WWOX: variants seen among roughly 807,000 people sequenced by gnomAD.
The protein encoded by WWOX is WW domain-containing oxidoreductase.
In WWOX, 69 loss-of-function variants were observed where a neutral mutation model predicts 46.2. The observed-to-expected ratio is 1.49, with a 90% CI of 1.23 to 1.82. The LOEUF is 1.82. Ranked by LOEUF, WWOX falls within the 40% of genes most tolerant of loss-of-function variation. The pLI is 0.00. For synonymous variants in WWOX, 359 were observed against 202.6 expected, an observed-to-expected ratio of 1.77 and a Z score of -6.56; for missense variants, 919 against 542.6, an observed-to-expected ratio of 1.69 and a Z score of -6.89.
At chr16:79,207,125 C>T (rs538927666) in intron 8 of WWOX, among the ~76,000 whole-genome samples, 15 of 152,296 alleles carry the variant, frequency 9.8e-5, no homozygotes, top group African/African-American at 3.4e-4. Context: ...CCATCTATTC[C>T]ACCTGTGACA....
At chr16:79,033,544 A>T (rs1180739575) in intron 8 of WWOX, among the ~76,000 whole-genome samples, 2 of 152,224 alleles carry the variant, frequency 1.3e-5, no homozygotes, top group East Asian at 3.9e-4. Context: ...GGCCCTCACT[A>T]CCACATGCGT....
chr16:79,028,009 T>C (rs2047679649), intron 8 of WWOX, among the ~76,000 whole-genome samples: 1 of 151,882 alleles, frequency 6.6e-6, no homozygotes, highest in South Asian at 2.1e-4. Flanking sequence ...TGGAGTGCAG[T>C]GGTGCAATCT....
chr16:78,853,532 C>G (rs189206797), intron 8 of WWOX, among the ~76,000 whole-genome samples: 60 of 152,208 alleles, frequency 3.9e-4, no homozygotes, highest in African/African-American at 1.3e-3. Flanking sequence ...GTGCTAAAAC[C>G]CCCTCACTGC....
chr16:78,453,255 C>G (rs1485588068), intron 8 of WWOX, among the ~76,000 whole-genome samples: 1 of 151,976 alleles, frequency 6.6e-6, no homozygotes, highest in African/African-American at 2.4e-5. Context: ...GAGACCCTGT[C>G]TGTACTAAAA....
chr16:78,537,178 A>G (rs1045099942), intron 8 of WWOX, among the ~76,000 whole-genome samples: 3 of 152,206 alleles, frequency 2.0e-5, no homozygotes, highest in Non-Finnish European at 4.4e-5. Flanking sequence ...CAGCCTCCCA[A>G]AGTGCTGGGA....
intron 8 of WWOX, among the ~76,000 whole-genome samples, chr16:78,547,900 C>T (rs1392379670): frequency 1.3e-5 from 2 of 151,956 alleles, no homozygotes; most frequent in Non-Finnish European, 2.9e-5. Context: ...ACCTGTAATC[C>T]CAGCACTTTG....
intron 5 of WWOX, among the ~76,000 whole-genome samples, chr16:78,185,059 G>A (rs974010843): frequency 2.6e-5 from 4 of 152,090 alleles, no homozygotes; most frequent in Admixed American, 6.6e-5. Flanking sequence ...GCTGACCCTC[G>A]CTCTGGCTCA....
At chr16:78,195,572 A>T (rs529341116) in intron 5 of WWOX, among the ~76,000 whole-genome samples, 1 of 152,208 alleles carries the variant, frequency 6.6e-6, no homozygotes, top group African/African-American at 2.4e-5. Context: ...CTGTAATCTC[A>T]GCACTTTGGG....
intron 8 of WWOX, among the ~76,000 whole-genome samples, chr16:78,894,940 A>G (rs1000233641): frequency 1.3e-5 from 2 of 152,162 alleles, no homozygotes; most frequent in Non-Finnish European, 2.9e-5. Context: ...TTATTACGAT[A>G]GTTCCAATGG....
rs1194755836 is a variant in WWOX at position 78,341,871 on chromosome 16, T to A, written c.517-44989T>A. On this transcript the variant is annotated intron_variant, in intron 5 of 8. Transcript: ENST00000566780. ...GGTGCACACCTGTAATTCTAGCACATTGGGAGGCTGAGGTGAGAGGATTGC... is the reference window on the plus strand; with the variant it reads ...GGTGCACACCTGTAATTCTAGCACAATGGGAGGCTGAGGTGAGAGGATTGC... 2.5e-5 allele frequency among the ~76,000 whole-genome samples: 3 copies of A among 120,358 alleles called. No individual in the cohort carries two copies. In the East Asian group the frequency reaches 5.8e-4, roughly 23 times the overall value. 79.0% of individuals were successfully genotyped at this position (120,358 alleles called of 152,430 possible).
intron 8 of WWOX, among the ~76,000 whole-genome samples, chr16:78,470,454 C>G (rs771933320): frequency 2.6e-5 from 4 of 152,196 alleles, no homozygotes; most frequent in Non-Finnish European, 4.4e-5. Flanking sequence ...ATGCTTCCTT[C>G]CCTCTACGAT....
At chr16:78,372,144 A>G (rs1326454397) in intron 5 of WWOX, among the ~76,000 whole-genome samples, 2 of 152,212 alleles carry the variant, frequency 1.3e-5, no homozygotes, top group Non-Finnish European at 2.9e-5. Context: ...TTTTGTGAAC[A>G]GCTGGTAGTC....
rs2049615551 is a variant in WWOX, at chr16:79,120,844, C to T, written c.1057-90764C>T. Among the ~76,000 whole-genome samples, 3 of 152,224 alleles carry T rather than the reference C, an allele frequency of 2.0e-5. No individual in the cohort carries two copies. The South Asian group carries it at 6.2e-4, about 31-fold the overall frequency. On this transcript the variant is annotated intron_variant, in intron 8 of 8. Transcript: ENST00000566780. ...AGTGCAGTGGCATGATCTTGGCTCA[C>T]TGCATCCTCCATCTCCCAGGCTTAA...
chr16:79,007,155 T>A (rs918862958), intron 8 of WWOX, among the ~76,000 whole-genome samples: 2 of 152,142 alleles, frequency 1.3e-5, no homozygotes, highest in Admixed American at 1.3e-4. Flanking sequence ...CCAAAACTTA[T>A]GTTCCAGTGA....
chr16:78,377,312 G>A (rs1304097662), intron 5 of WWOX, among the ~76,000 whole-genome samples: 2 of 152,110 alleles, frequency 1.3e-5, no homozygotes, highest in African/African-American at 4.8e-5. Context: ...CAAAAGTAAT[G>A]GTGTCTGCTG....
chr16:79,045,211 T>A (rs1011210894), intron 8 of WWOX, among the ~76,000 whole-genome samples: 5 of 152,234 alleles, frequency 3.3e-5, no homozygotes, highest in African/African-American at 1.2e-4. Context: ...CAAGTTCTTA[T>A]GTGGTGGATG....
At chr16:78,142,253 A>G (rs901154630) in intron 4 of WWOX, among the ~76,000 whole-genome samples, 1 of 152,178 alleles carries the variant, frequency 6.6e-6, no homozygotes, top group Non-Finnish European at 1.5e-5. Flanking sequence ...GCTTTTTAAA[A>G]AGCAAAATAG....
intron 8 of WWOX, among the ~76,000 whole-genome samples, chr16:78,603,267 T>G (rs2045666801): frequency 6.6e-6 from 1 of 152,220 alleles, no homozygotes; most frequent in Admixed American, 6.5e-5. Flanking sequence ...AGTCATCAGG[T>G]GGTGACTGGA....
intron 8 of WWOX, among the ~76,000 whole-genome samples, chr16:78,979,443 C>T (rs937699817): frequency 4.3e-4 from 65 of 152,274 alleles, no homozygotes; most frequent in Admixed American, 2.0e-4. Flanking sequence ...ACGTGACAGG[C>T]TCCCCCATCG....
Sources: gnomAD v4.1 joint callset for allele counts (sites outside exome capture counted in the v4.1 genomes callset) on GRCh38, gnomAD v4.1.1 for gene constraint, MANE v1.5 for transcripts, NCBI Gene and HGNC (gene_info 2026-07-23, HGNC 2026-07-21) for gene names.